The following SUPT3H variants were observed in gnomAD, a reference collection of about 807,000 sequenced individuals.
SUPT3H encodes transcription initiation protein SPT3 homolog.
A neutral mutation model predicts 44.3 loss-of-function variants in SUPT3H; 44 were observed. The ratio of observed to expected loss-of-function variants is 0.99; its 90% confidence interval spans 0.78 to 1.28. The LOEUF is 1.28. Among genes scored for constraint, SUPT3H ranks in the 50% most tolerant of loss-of-function variants. The pLI is 0.00. For synonymous variants in SUPT3H, 124 were observed against 125.6 expected (o/e 0.99, Z 0.09); for missense variants, 380 against 387.1 (o/e 0.98, Z 0.15).
intron 1 of SUPT3H, among the ~76,000 whole-genome samples, chr6:45,369,723 G>A (rs1481171192): frequency 6.6e-6 from 1 of 152,156 alleles, no homozygotes; most frequent in Non-Finnish European, 1.5e-5. Flanking sequence ...CTAAGAGGTA[G>A]GGATATAGTA....
intron 10 of SUPT3H, among the ~76,000 whole-genome samples, chr6:44,852,845 G>C (rs1023231738): frequency 1.3e-5 from 2 of 152,190 alleles, no homozygotes; most frequent in Admixed American, 1.3e-4. Context: ...GCTGACCTTA[G>C]GGCAAGTGCA....
intron 9 of SUPT3H, among the ~76,000 whole-genome samples, chr6:44,941,103 G>T (rs1772348396): frequency 6.6e-6 from 1 of 151,958 alleles, no homozygotes; most frequent in Non-Finnish European, 1.5e-5. Context: ...CTGTGATATT[G>T]TTAATTATTT....
chr6:45,103,132 T>C (rs1332450568), intron 3 of SUPT3H, among the ~76,000 whole-genome samples: 1 of 152,206 alleles, frequency 6.6e-6, no homozygotes, highest in Non-Finnish European at 1.5e-5. Flanking sequence ...TCTATAATTC[T>C]TCCTTTCCTC....
intron 11 of SUPT3H, among the ~76,000 whole-genome samples, chr6:44,815,436 C>T (rs1766847541): frequency 6.6e-6 from 1 of 151,966 alleles, no homozygotes; most frequent in Admixed American, 6.6e-5. Flanking sequence ...CAACACCTAA[C>T]TATAGGCTAT....
intron 9 of SUPT3H, among the ~76,000 whole-genome samples, chr6:44,942,858 A>G (rs1421419963): frequency 6.6e-6 from 1 of 152,176 alleles, no homozygotes; most frequent in South Asian, 2.1e-4. Flanking sequence ...TTTATAGGTG[A>G]GTCTAGAAAA....
intron 10 of SUPT3H, among the ~76,000 whole-genome samples, chr6:44,837,982 C>A (rs1389530181): frequency 6.6e-6 from 1 of 152,126 alleles, no homozygotes; most frequent in South Asian, 2.1e-4. Context: ...ATTAAAACAC[C>A]ATACAAGGAG....
At chr6:45,284,572 T>C (rs1254086812) in intron 2 of SUPT3H, among the ~76,000 whole-genome samples, 2 of 152,004 alleles carry the variant, frequency 1.3e-5, no homozygotes, top group Non-Finnish European at 2.9e-5. Flanking sequence ...AATAGACCAA[T>C]AACAGGCTCT....
At chr6:45,125,138 T>G (rs981329853) in intron 2 of SUPT3H, among the ~76,000 whole-genome samples, 1 of 152,208 alleles carries the variant, frequency 6.6e-6, no homozygotes, top group Non-Finnish European at 1.5e-5. Context: ...TAAGTTTCTG[T>G]TGCTTTAAGT....
intron 6 of SUPT3H, among the ~76,000 whole-genome samples, chr6:44,973,749 G>A (rs189577777): frequency 2.4e-3 from 362 of 152,252 alleles, no homozygotes; most frequent in African/African-American, 8.0e-3. Flanking sequence ...CTGCAGGGCT[G>A]GGGAGGTCTC....
intron 2 of SUPT3H, among the ~76,000 whole-genome samples, chr6:45,268,765 G>A (rs1488147331): frequency 6.6e-6 from 1 of 152,142 alleles, no homozygotes; most frequent in African/African-American, 2.4e-5. Context: ...AGAAGAATGT[G>A]TGATAGTTTC....
intron 2 of SUPT3H, among the ~76,000 whole-genome samples, chr6:45,316,478 G>A (rs1247413995): frequency 6.6e-6 from 1 of 151,176 alleles, no homozygotes; most frequent in Non-Finnish European, 1.5e-5. Flanking sequence ...GGCATCCAAA[G>A]GAAAAAGTTA....
At chr6:45,281,074 T>A (rs558866713) in intron 2 of SUPT3H, among the ~76,000 whole-genome samples, 1 of 152,208 alleles carries the variant, frequency 6.6e-6, no homozygotes, top group South Asian at 2.1e-4. Flanking sequence ...TATAAAAGAC[T>A]GTTTTAGTTT....
intron 2 of SUPT3H, among the ~76,000 whole-genome samples, chr6:45,334,263 A>T (rs537451724): frequency 5.3e-5 from 8 of 151,142 alleles, no homozygotes; most frequent in Non-Finnish European, 5.9e-5. Flanking sequence ...TACATCAATG[A>T]TGTCTACCAG....
rs551279659 is a variant in SUPT3H, at chr6:45,172,084, T to C, written c.102-66078A>G. Among the ~76,000 whole-genome samples the C allele has an allele frequency of 7.2e-3, 1,069 of 149,358 alleles. 5 individuals are homozygous for C. The highest frequency in any genetic ancestry group is 0.011 in the Non-Finnish European group (728 of 67,204). ...GTCATTTATTTATCTTTTTTTTTTT[T>C]TCTTTTTGAGACAGAGTCTCACTCT... is the stretch of plus-strand genomic sequence containing the variant. On this transcript the variant is annotated intron_variant, in intron 2 of 10. Coordinates refer to ENST00000371459, the MANE Select transcript of SUPT3H (RefSeq NM_003599.4).
At position 45,268,340 on chromosome 6, in the gene SUPT3H, A is replaced by G. The variant is rs73735335; in HGVS notation, c.101+96861T>C. ...AAATGCCATCAAACTTGAATGTCAA[A>G]TATTTTTCCACAGCTTAGCACCTAG... On this transcript the variant is annotated intron_variant, in intron 2 of 10. Coordinates refer to ENST00000371459, the MANE Select transcript of SUPT3H (RefSeq NM_003599.4). Among the ~76,000 whole-genome samples, 1,095 of 152,296 alleles carry G rather than the reference A, an allele frequency of 7.2e-3. 19 individuals are homozygous for G. The highest frequency in any genetic ancestry group is 0.025 in the African/African-American group (1,043 of 41,560).
intron 6 of SUPT3H, among the ~76,000 whole-genome samples, chr6:44,971,122 A>T (rs889736252): frequency 6.6e-6 from 1 of 152,214 alleles, no homozygotes; most frequent in African/African-American, 2.4e-5. Flanking sequence ...TTTTTCAGTA[A>T]GGACTTTTTC....
intron 5 of SUPT3H, among the ~76,000 whole-genome samples, chr6:45,010,911 TG>T (rs1783394076): frequency 6.6e-6 from 1 of 152,136 alleles, no homozygotes; most frequent in African/African-American, 2.4e-5. Context: ...GTTTGTTGAA[TG>T]TCCCTCTCAT....
intron 2 of SUPT3H, among the ~76,000 whole-genome samples, chr6:45,255,230 G>C (rs899637779): frequency 2.0e-5 from 3 of 151,954 alleles, no homozygotes; most frequent in African/African-American, 4.8e-5. Context: ...ATGCACTAAG[G>C]GTCTTGGAAT....
intron 3 of SUPT3H, among the ~76,000 whole-genome samples, chr6:45,088,382 CTG>C (rs1796734729): frequency 6.6e-6 from 1 of 152,028 alleles, no homozygotes; most frequent in South Asian, 2.1e-4. Context: ...CTTTGACACT[CTG>C]TTACTCCAAA....
Sources: allele counts gnomAD v4.1 joint callset (sites outside exome capture counted in the v4.1 genomes callset), GRCh38; gene constraint gnomAD v4.1.1; transcripts MANE v1.5; gene names NCBI Gene and HGNC (gene_info 2026-07-23, HGNC 2026-07-21).